Variants in VPS13D observed in about 807,000 individuals in gnomAD.
The protein encoded by VPS13D is vacuolar protein sorting 13 homolog D.
In VPS13D, 187 loss-of-function variants were observed where a neutral mutation model predicts 461.9. The ratio of observed to expected loss-of-function variants is 0.40; its 90% CI spans 0.36 to 0.46. The LOEUF (loss-of-function observed/expected upper bound fraction) is 0.46, where lower values mean the gene tolerates loss of function less well. VPS13D is among the 20% of genes least tolerant of loss of function. The pLI is 0.60. For missense variants in VPS13D, 4,711 were observed against 5,364.9 expected, an observed-to-expected ratio of 0.88 and a Z score of 3.81; for synonymous variants, 1,951 against 1,986.3, an observed-to-expected ratio of 0.98 and a Z score of 0.47.
At chr1:12,333,397 TA>T in intron 38 of VPS13D, 31 bp downstream of exon 38, 1 of 1,609,798 alleles carries the variant, frequency 6.2e-7, no homozygotes, top group Non-Finnish European at 8.5e-7. Flanking sequence ...CATAGACTGA[TA>T]CCTTTCCGTA....
At chr1:12,447,002 C>G (rs894848541) in intron 65 of VPS13D, among the ~76,000 whole-genome samples, 1 of 152,122 alleles carries the variant, frequency 6.6e-6, no homozygotes, top group East Asian at 1.9e-4. Context: ...ACGTGGCCTC[C>G]GGAAAGGTCT....
chr1:12,455,944 G>T, intron 65 of VPS13D, 54 bp from the exon 66 acceptor site: 1 of 1,543,682 alleles, frequency 6.5e-7, no homozygotes, highest in Non-Finnish European at 8.7e-7. Flanking sequence ...AATTCAAATA[G>T]TAAAAATAGT....
intron 60 of VPS13D, among the ~76,000 whole-genome samples, chr1:12,392,899 C>T (rs1644446577): frequency 6.6e-6 from 1 of 152,198 alleles, no homozygotes; most frequent in Non-Finnish European, 1.5e-5. Flanking sequence ...CATTCTGGAC[C>T]CCTCAAAACT....
chr1:12,464,633 C>T lies in VPS13D; in HGVS notation c.12662+4237C>T, dbSNP rs546514285. Among the ~76,000 whole-genome samples the T allele has an allele frequency of 8.4e-4, 127 of 151,908 alleles. 3 individuals are homozygous for T. Among genetic ancestry groups the T allele is most frequent in the Middle Eastern group, 6.8e-3 (2 of 294 alleles). The stretch of plus-strand genomic sequence containing the variant: ...CCAAGTTCCTCTCCTTGTTGGAGTG[C>T]GCTGGCATTCCAAGCGACAGCCACC... On this transcript the variant is annotated intron_variant, in intron 67 of 69. Transcript: ENST00000620676.
intron 65 of VPS13D, among the ~76,000 whole-genome samples, chr1:12,450,851 C>T (rs532083065): frequency 2.5e-4 from 38 of 152,324 alleles, no homozygotes; most frequent in South Asian, 1.0e-3. Context: ...CATCACACTA[C>T]GGAGTCCTGC....
intron 36 of VPS13D, among the ~76,000 whole-genome samples, chr1:12,328,358 C>CG (rs1455307153): frequency 1.5e-5 from 2 of 134,636 alleles, no homozygotes; most frequent in Non-Finnish European, 3.3e-5. Flanking sequence ...AGTACTCTAT[C>CG]CTTTTTTTTT....
chr1:12,427,803 C>T (rs924892369), intron 65 of VPS13D, among the ~76,000 whole-genome samples: 1 of 152,148 alleles, frequency 6.6e-6, no homozygotes, highest in Admixed American at 6.5e-5. Flanking sequence ...TTCACAACAT[C>T]GTCTCCATAT....
intron 1 of VPS13D, among the ~76,000 whole-genome samples, chr1:12,232,257 G>T (rs1640003910): frequency 6.6e-6 from 1 of 152,156 alleles, no homozygotes; most frequent in South Asian, 2.1e-4. Context: ...TTCTCTGGAA[G>T]TACAAGATAT....
At chr1:12,250,801 C>T (rs982511096) in intron 6 of VPS13D, among the ~76,000 whole-genome samples, 8 of 152,244 alleles carry the variant, frequency 5.3e-5, no homozygotes, top group Non-Finnish European at 1.2e-4. Flanking sequence ...GGCCGGTGGC[C>T]GAGTCTGGTT....
chr1:12,347,256 C>G (rs531956554), intron 44 of VPS13D, among the ~76,000 whole-genome samples: 1 of 152,042 alleles, frequency 6.6e-6, no homozygotes, highest in Non-Finnish European at 1.5e-5. Context: ...CTGCAACATC[C>G]GCCCCCCGGG....
intron 67 of VPS13D, among the ~76,000 whole-genome samples, chr1:12,475,047 G>C (rs781086910): frequency 6.6e-6 from 1 of 152,106 alleles, no homozygotes; most frequent in Non-Finnish European, 1.5e-5. Flanking sequence ...GCCTCGTCCT[G>C]ATGTATTGTG....
intron 32 of VPS13D, among the ~76,000 whole-genome samples, chr1:12,321,470 G>A (rs1643033319): frequency 6.6e-6 from 1 of 152,050 alleles, no homozygotes; most frequent in South Asian, 2.1e-4. Context: ...TATAACCTTG[G>A]CTGCTCTTAA....
intron 65 of VPS13D, among the ~76,000 whole-genome samples, chr1:12,435,705 A>G (rs1208743300): frequency 1.3e-5 from 2 of 151,598 alleles, no homozygotes; most frequent in African/African-American, 4.9e-5. Context: ...GTGCAAAAGC[A>G]GCACTCTATC....
intron 42 of VPS13D, among the ~76,000 whole-genome samples, chr1:12,343,955 A>G (rs1434470626): frequency 6.6e-6 from 1 of 152,208 alleles, no homozygotes; most frequent in African/African-American, 2.4e-5. Flanking sequence ...TCAGGACTCA[A>G]AGCTAATAAG....
chr1:12,312,054 T>C, intron 29 of VPS13D, 129 bp downstream of exon 29: 4 of 563,994 alleles, frequency 7.1e-6, no homozygotes, highest in South Asian at 7.5e-5. Flanking sequence ...AGAGTGTCTT[T>C]TGGTTGATCT....
intron 65 of VPS13D, among the ~76,000 whole-genome samples, chr1:12,422,532 T>G: frequency 6.6e-6 from 1 of 152,234 alleles, no homozygotes; most frequent in East Asian, 1.9e-4. Flanking sequence ...TAAATCAGTT[T>G]TGTTTTTTAT....
At chr1:12,258,976 C>T (rs1451622147) in intron 10 of VPS13D, among the ~76,000 whole-genome samples, 6 of 152,130 alleles carry the variant, frequency 3.9e-5, no homozygotes, top group African/African-American at 4.8e-5. Context: ...GTTACTGACA[C>T]AGGAACCTTA....
chr1:12,383,972 T>C (rs1644317483), intron 58 of VPS13D, among the ~76,000 whole-genome samples: 1 of 152,116 alleles, frequency 6.6e-6, no homozygotes, highest in Non-Finnish European at 1.5e-5. Context: ...GGCCAGATCA[T>C]AAAAAGTCTG....
At chr1:12,249,876 TA>T (rs1367125910) in intron 6 of VPS13D, among the ~76,000 whole-genome samples, 3 of 152,180 alleles carry the variant, frequency 2.0e-5, no homozygotes, top group African/African-American at 4.8e-5. Context: ...CAGTGTCCTA[TA>T]GTTCAAGTCA....
Sources: gnomAD v4.1 joint callset for allele counts (sites outside exome capture counted in the v4.1 genomes callset) on GRCh38, gnomAD v4.1.1 for gene constraint, MANE v1.5 for transcripts, NCBI Gene and HGNC (gene_info 2026-07-23, HGNC 2026-07-21) for gene names.